Variants in WASF1 observed in about 807,000 individuals in gnomAD.
WASF1 encodes the protein WASP family member 1, also known as actin-binding protein WASF1.
A neutral mutation model predicts 50.5 loss-of-function variants in WASF1; 7 were observed. The observed-to-expected ratio is 0.14, with a 90% CI of 0.08 to 0.26. The LOEUF (loss-of-function observed/expected upper bound fraction) is 0.26, where lower values mean the gene tolerates loss of function less well. WASF1 is among the 10% of genes least tolerant of loss of function. WASF1 has a pLI of 1.00. For missense variants in WASF1, 470 were observed against 694.7 expected (o/e 0.68, Z 3.64); for synonymous variants, 205 against 244.0 (o/e 0.84, Z 1.49).
At chr6:110,148,519 T>C (rs780317337) in intron 3 of WASF1, among the ~76,000 whole-genome samples, 3 of 152,104 alleles carry the variant, frequency 2.0e-5, no homozygotes, top group Non-Finnish European at 2.9e-5. Flanking sequence ...TTTTCATTCT[T>C]AGAATGAAAG....
rs911920225 is a variant in WASF1 at position 110,100,416 on chromosome 6, A to G, written c.*106T>C. ...TTATGGAGGAAAAGGGTCATTTATTATAAGGAAAAGAAAGCAAAACACTAG... is the reference window on the plus strand; with the variant it reads ...TTATGGAGGAAAAGGGTCATTTATTGTAAGGAAAAGAAAGCAAAACACTAG... On this transcript the variant is annotated 3_prime_UTR_variant, in exon 11 of 11. Coordinates refer to ENST00000392589, the MANE Select transcript of WASF1 (RefSeq NM_003931.3). 4.6e-6 allele frequency: 5 copies of G among 1,084,590 alleles called. No homozygotes were observed. The highest frequency in any genetic ancestry group is 4.3e-5 in the South Asian group (2 of 46,644). The allele number at this position is 1,084,590 out of a possible 1,614,324, so 67.2% of individuals were successfully genotyped here. A position where few individuals can be genotyped will look rare whatever the true frequency, so the allele number is the denominator to read the frequency against.
intron 3 of WASF1, among the ~76,000 whole-genome samples, chr6:110,127,893 T>C (rs537166782): frequency 6.6e-6 from 1 of 152,288 alleles, no homozygotes; most frequent in East Asian, 1.9e-4. Flanking sequence ...TAATAGTTAA[T>C]TATCTTATGA....
At chr6:110,160,247 G>A (rs928092850) in intron 3 of WASF1, among the ~76,000 whole-genome samples, 1 of 151,744 alleles carries the variant, frequency 6.6e-6, no homozygotes, top group African/African-American at 2.4e-5. Context: ...CTGCTGGATG[G>A]ACTAAAAAGA....
intron 4 of WASF1, among the ~76,000 whole-genome samples, chr6:110,120,226 T>C (rs1774031217): frequency 6.6e-6 from 1 of 152,054 alleles, no homozygotes; most frequent in Admixed American, 6.6e-5. Context: ...GGGTATTCAA[T>C]TAGGAAAAGG....
At chr6:110,122,312 C>A (rs150238056) in intron 4 of WASF1, among the ~76,000 whole-genome samples, 1 of 150,512 alleles carries the variant, frequency 6.6e-6, no homozygotes, top group Admixed American at 6.6e-5. Flanking sequence ...CTGGCAAAAG[C>A]GTTCCAATTA....
intron 3 of WASF1, among the ~76,000 whole-genome samples, chr6:110,137,392 C>T (rs920736766): frequency 1.3e-5 from 2 of 152,192 alleles, no homozygotes; most frequent in Non-Finnish European, 2.9e-5. Context: ...CTAACTGCTA[C>T]TACTTTAATT....
chr6:110,173,738 T>A lies in WASF1; in HGVS notation c.-127+4860A>T, dbSNP rs1776811731. Reference sequence around the variant, plus strand: ...TCTTTGTTCTAGAAGCCCTGGCTTATCTAGCCCACAGGGCAAGAAACAAGG... The same window carrying A: ...TCTTTGTTCTAGAAGCCCTGGCTTAACTAGCCCACAGGGCAAGAAACAAGG... On this transcript the variant is annotated intron_variant, in intron 2 of 10. Coordinates refer to ENST00000392589, the MANE Select transcript of WASF1 (RefSeq NM_003931.3). Among the ~76,000 whole-genome samples, 5 of 152,192 alleles carry A rather than the reference T, an allele frequency of 3.3e-5. No individual in the cohort carries two copies. The South Asian group carries it at 1.0e-3, about 31-fold the overall frequency.
chr6:110,102,224 G>T lies in WASF1; in HGVS notation c.894-8C>A. 1 of 1,379,790 alleles carries T rather than the reference G, an allele frequency of 7.2e-7. No homozygotes were observed. 85.5% of individuals were successfully genotyped at this position (1,379,790 alleles called of 1,614,324 possible). ...ATCAAACCTGTAGCAGAACTGAAATGACAAAGAGATTCTAGCAAGTTATTA... is the reference window on the plus strand; with the variant it reads ...ATCAAACCTGTAGCAGAACTGAAATTACAAAGAGATTCTAGCAAGTTATTA... On this transcript the variant is annotated splice_polypyrimidine_tract_variant and splice_region_variant and intron_variant, in intron 9 of 10. Transcript: ENST00000392589.
intron 8 of WASF1, 69 bp from the exon 9 acceptor site, chr6:110,103,626 A>ATTAAATATTGAAAGGATAAACT: frequency 7.4e-7 from 1 of 1,351,648 alleles, no homozygotes; most frequent in Non-Finnish European, 9.9e-7. Context: ...TACATGAGAT[A>ATTAAATATTGAAAGGATAAACT]TTAAATATTT....
rs1436366452 is a variant in WASF1, at chr6:110,108,593, A to C, written c.357T>G (p.Ile119Met). Residue 119 changes from isoleucine (I) to methionine (M), a missense_variant, in exon 6 of 11, where the codon ATT becomes ATG. This residue lies in a region of WASF1 where 140 missense variants were observed against 260.5 expected (regional missense o/e 0.54). Coordinates refer to ENST00000392589, the MANE Select transcript of WASF1 (RefSeq NM_003931.3). ...QQLFDRKTLP[I>M]PLQETYDVCE... ...AAACATCGTACGTCTCCTGTAATGG[A>C]ATAGGCAAAGTCTTGCGATCGAAAA... 5.0e-6 allele frequency: 8 copies of C among 1,614,006 alleles called. No individual in the cohort carries two copies. The South Asian group carries it at 8.8e-5, about 18-fold the overall frequency.
At chr6:110,154,487 G>A (rs1228516836) in intron 3 of WASF1, among the ~76,000 whole-genome samples, 1 of 151,946 alleles carries the variant, frequency 6.6e-6, no homozygotes, top group Non-Finnish European at 1.5e-5. Flanking sequence ...AGTACCTTAA[G>A]AGAAAGATAT....
chr6:110,122,442 CAA>C (rs1320823892), intron 4 of WASF1, among the ~76,000 whole-genome samples: 1 of 152,154 alleles, frequency 6.6e-6, no homozygotes, highest in East Asian at 1.9e-4. Flanking sequence ...AATGAAGAAG[CAA>C]AAAAGTCAGA....
In WASF1 at chr6:110,179,424, G is replaced by A. The variant is rs1777106958; in HGVS notation, c.-272+15C>T. 1 of 152,462 alleles carries A rather than the reference G, an allele frequency of 6.6e-6. No homozygotes were observed. The highest frequency in any genetic ancestry group is 2.4e-5 in the African/African-American group (1 of 41,412). The allele number at this position is 152,462 out of a possible 1,614,324, so 9.4% of individuals were successfully genotyped here. A position where few individuals can be genotyped will look rare whatever the true frequency, so the allele number is the denominator to read the frequency against. ...CCTCCCCGAAAAAAGCAATTCCTCA[G>A]GGACTCGCGCTCACCGTGAAATCTT... On this transcript the variant is annotated intron_variant, in intron 1 of 10. Transcript: ENST00000392589.
At chr6:110,139,328 T>C (rs1355760490) in intron 3 of WASF1, among the ~76,000 whole-genome samples, 1 of 152,152 alleles carries the variant, frequency 6.6e-6, no homozygotes, top group Non-Finnish European at 1.5e-5. Flanking sequence ...TTGTGCCCAG[T>C]AGCACAGGGC....
At chr6:110,108,813 C>G in intron 5 of WASF1, 132 bp from the exon 6 acceptor site, 2 of 727,606 alleles carry the variant, frequency 2.7e-6, no homozygotes, top group Non-Finnish European at 4.3e-6. Context: ...GCTTATGAAT[C>G]AGAAACCATA....
chr6:110,142,405 A>T (rs1407913631), intron 3 of WASF1, among the ~76,000 whole-genome samples: 1 of 152,152 alleles, frequency 6.6e-6, no homozygotes, highest in Admixed American at 6.6e-5. Context: ...TTTTTACTTC[A>T]GTTTCAACAC....
intron 3 of WASF1, among the ~76,000 whole-genome samples, chr6:110,146,260 C>G (rs1775555912): frequency 6.6e-6 from 1 of 152,068 alleles, no homozygotes; most frequent in South Asian, 2.1e-4. Flanking sequence ...TTCAATATTT[C>G]AAATATGTTA....
intron 3 of WASF1, among the ~76,000 whole-genome samples, chr6:110,131,312 A>G (rs1562173481): frequency 6.6e-6 from 1 of 152,274 alleles, no homozygotes; most frequent in East Asian, 1.9e-4. Context: ...ATGTGGAATT[A>G]ATTTTGTGAA....
chr6:110,158,717 A>AT lies in WASF1; in HGVS notation c.-29+1917dup, dbSNP rs541212075. On this transcript the variant is annotated intron_variant, in intron 3 of 10. Transcript: ENST00000392589. ...CAATGTTAACTCCATAAGCATAGCA[A>AT]TTTTTTTTAAAAAAAGATATGATTC... is the stretch of plus-strand genomic sequence containing the variant. 7.0e-4 allele frequency among the ~76,000 whole-genome samples: 106 copies of AT among 151,884 alleles called. 2 individuals are homozygous for AT. The highest frequency in any genetic ancestry group is 1.1e-3 in the Non-Finnish European group (73 of 67,832).
Sources: gnomAD v4.1 joint callset for allele counts (sites outside exome capture counted in the v4.1 genomes callset) on GRCh38, gnomAD v4.1.1 for gene constraint, gnomAD v4.1.1 regional missense constraint, MANE v1.5 for transcripts, NCBI Gene and HGNC (gene_info 2026-07-23, HGNC 2026-07-21) for gene names.